The following PCDHGB1 variants were observed in gnomAD, a reference collection of about 807,000 sequenced individuals.
PCDHGB1 encodes the protein protocadherin gamma-B1.
PCDHGB1 carries 34 observed loss-of-function variants against 56.6 expected under a neutral mutation model. The observed-to-expected ratio is 0.60, with a 90% confidence interval of 0.46 to 0.80. PCDHGB1 has a LOEUF of 0.80. Among genes scored for constraint, PCDHGB1 ranks in the 30% least tolerant of loss-of-function variants. PCDHGB1 has a pLI of 0.00. For missense variants in PCDHGB1, 1,278 were observed against 1,204.6 expected (o/e 1.06, Z -0.90); for synonymous variants, 561 against 505.9 (o/e 1.11, Z -1.46).
rs3074541 is a variant in PCDHGB1 at position 141,433,358 on chromosome 5, CCTATCTATCTATCTATCTATCTAT to C, written c.2410-61424_2410-61401del. 6 of 503,934 alleles carry C rather than the reference CCTATCTATCTATCTATCTATCTAT, an allele frequency of 1.2e-5. No homozygotes were observed. In the Admixed American group the frequency reaches 1.5e-4, roughly 12 times the overall value. The allele number at this position is 503,934 out of a possible 1,614,324, so 31.2% of individuals were successfully genotyped here. ...ACAGGTGCAAGCCACCTACTGTCTG[CCTATCTATCTATCTATCTATCTAT>C]CTATCTATCTATCTATCTATCTATT... On this transcript the variant is annotated intron_variant, in intron 1 of 3. Transcript: ENST00000523390.
At chr5:141,423,821 C>A (rs2096784513) in intron 1 of PCDHGB1, 1 of 1,272,728 alleles carries the variant, frequency 7.9e-7, no homozygotes, top group Admixed American at 3.9e-5. Context: ...TTTACTTTGC[C>A]TTTCATGAGA....
chr5:141,403,964 G>T (rs1279237991), intron 1 of PCDHGB1: 1 of 1,613,704 alleles, frequency 6.2e-7, no homozygotes, highest in Non-Finnish European at 8.5e-7. Context: ...CATTTCGGTG[G>T]AAGATGTAAA....
intron 1 of PCDHGB1, among the ~76,000 whole-genome samples, chr5:141,436,998 A>T (rs985067199): frequency 6.6e-6 from 1 of 152,242 alleles, no homozygotes; most frequent in African/African-American, 2.4e-5. Context: ...GTTTACTTCA[A>T]TGGGATCTTA....
At chr5:141,399,289 T>C (rs755445485) in intron 1 of PCDHGB1, 1 of 1,613,918 alleles carries the variant, frequency 6.2e-7, no homozygotes, top group Admixed American at 1.7e-5. Context: ...CGAAGTCCCT[T>C]TTAAGATTAT....
chr5:141,504,351 G>A (rs77439649), intron 2 of PCDHGB1, among the ~76,000 whole-genome samples: 2 of 152,010 alleles, frequency 1.3e-5, no homozygotes, highest in African/African-American at 4.8e-5. Context: ...CTTTGTGCTA[G>A]GTGCTTCAGT....
chr5:141,492,274 A>C (rs2099739010), intron 1 of PCDHGB1, among the ~76,000 whole-genome samples: 1 of 152,024 alleles, frequency 6.6e-6, no homozygotes, highest in Non-Finnish European at 1.5e-5. Flanking sequence ...CGGGCTCGCC[A>C]CGCCCCGCCA....
At chr5:141,433,349 T>C in intron 1 of PCDHGB1, 1 of 616,610 alleles carries the variant, frequency 1.6e-6, no homozygotes, top group East Asian at 2.8e-5. Flanking sequence ...GCAAGCCACC[T>C]ACTGTCTGCC....
At chr5:141,460,435 A>G (rs1002182353) in intron 1 of PCDHGB1, among the ~76,000 whole-genome samples, 1 of 152,144 alleles carries the variant, frequency 6.6e-6, no homozygotes, top group Admixed American at 6.6e-5. Context: ...GTATGGTGTG[A>G]GGTAACAATG....
intron 1 of PCDHGB1, chr5:141,415,758 T>G (rs200061978): frequency 0.08 from 111,079 of 1,380,048 alleles, 1,979 homozygotes; most frequent in African/African-American, 0.17. Context: ...TTTTTTTTTT[T>G]TTTTTTTTTT....
chr5:141,370,142 C>T, intron 1 of PCDHGB1: 2 of 430,642 alleles, frequency 4.6e-6, no homozygotes, highest in Non-Finnish European at 8.1e-6. Flanking sequence ...GATTTAGTCA[C>T]CATTACTGCA....
chr5:141,383,387 G>A lies in PCDHGB1; in HGVS notation c.2409+30718G>A, dbSNP rs1779095569. ...AGCGAGGCTGGGGATCCAGATGTGG[G>A]CACGAACTCCCTCCAGAGTTACCAG... is the stretch of plus-strand genomic sequence containing the variant. On this transcript the variant is annotated intron_variant, in intron 1 of 3. Coordinates refer to ENST00000523390, the MANE Select transcript of PCDHGB1 (RefSeq NM_018922.3). 3.7e-6 allele frequency: 6 copies of A among 1,614,010 alleles called. No individual in the cohort carries two copies. The East Asian group carries it at 1.3e-4, about 36-fold the overall frequency.
chr5:141,387,491 A>C (rs1049616816), intron 1 of PCDHGB1, among the ~76,000 whole-genome samples: 1 of 152,240 alleles, frequency 6.6e-6, no homozygotes, highest in African/African-American at 2.4e-5. Flanking sequence ...GGCATTCCTA[A>C]GAGTACATTT....
At chr5:141,449,202 C>T (rs77980623) in intron 1 of PCDHGB1, among the ~76,000 whole-genome samples, 7,411 of 152,148 alleles carry the variant, frequency 0.049, 284 homozygotes, top group African/African-American at 0.1. Context: ...AGTGTTAATT[C>T]TAACTTTCTG....
At chr5:141,399,148 C>T (rs2150776580) in intron 1 of PCDHGB1, 2 of 1,613,684 alleles carry the variant, frequency 1.2e-6, no homozygotes, top group Non-Finnish European at 1.7e-6. Context: ...TGACAATAGC[C>T]CAGAAGTTAC....
At position 141,458,567 on chromosome 5, in the gene PCDHGB1, T is replaced by TTTTG. The variant is rs144471304; in HGVS notation, c.2410-36224_2410-36221dup. Among the ~76,000 whole-genome samples the TTTTG allele has an allele frequency of 8.6e-5, 13 of 151,610 alleles. No individual in the cohort carries two copies. The East Asian group carries it at 1.5e-3, about 18-fold the overall frequency. On this transcript the variant is annotated intron_variant, in intron 1 of 3. Coordinates refer to ENST00000523390, the MANE Select transcript of PCDHGB1 (RefSeq NM_018922.3). ...TTGTTTGTTTGTTTTGGTTTTGGGT[T>TTTTG]TTTGTTTGTTTGTTTGTTTTGGAGA...
At chr5:141,395,131 C>G in intron 1 of PCDHGB1, 1 of 1,614,202 alleles carries the variant, frequency 6.2e-7, no homozygotes, top group Non-Finnish European at 8.5e-7. Flanking sequence ...TTTCCCCAGC[C>G]CAACTACGCA....
In PCDHGB1 at chr5:141,404,896, C is replaced by T. The variant is rs182502698; in HGVS notation, c.2409+52227C>T. ...AGAGCCTTGTGGTGGCTGTACAGGA[C>T]CATGGCCAGCCCCCTCTCTCGGCCA... On this transcript the variant is annotated intron_variant, in intron 1 of 3. Transcript: ENST00000523390. The T allele has an allele frequency of 3.7e-5, 59 of 1,613,884 alleles. No homozygotes were observed. The Admixed American group carries it at 8.3e-4, about 23-fold the overall frequency.
intron 1 of PCDHGB1, chr5:141,366,795 T>A (rs1054610187): frequency 3.2e-6 from 5 of 1,567,382 alleles, no homozygotes; most frequent in Non-Finnish European, 4.3e-6. Flanking sequence ...CATTTTCATT[T>A]GTTTCCTTTT....
rs1444171664 is a variant in PCDHGB1, at chr5:141,477,015, T to G, written c.2410-17792T>G. The G allele has an allele frequency of 1.2e-6, 2 of 1,614,210 alleles. No homozygotes were observed. Among genetic ancestry groups the G allele is most frequent in the Non-Finnish European group, 1.7e-6 (2 of 1,180,038 alleles). On this transcript the variant is annotated intron_variant, in intron 1 of 3. Coordinates refer to ENST00000523390, the MANE Select transcript of PCDHGB1 (RefSeq NM_018922.3). This position sits in a 1 kb window ranked among gnomAD's most constrained non-coding sequence, Gnocchi z 4.9. ...CGGCAACTATTCGCCTTAGACCTTG[T>G]AACCGGGATGCTGACAATCAAGGGT...
Sources: allele counts gnomAD v4.1 joint callset (sites outside exome capture counted in the v4.1 genomes callset), GRCh38; gene constraint gnomAD v4.1.1; non-coding constraint Gnocchi (gnomAD v3.1); transcripts MANE v1.5; gene names NCBI Gene and HGNC (gene_info 2026-07-23, HGNC 2026-07-21).